STX8: variants seen among roughly 807,000 people sequenced by gnomAD.
STX8 encodes syntaxin 8.
Under a neutral mutation model 37.5 loss-of-function variants are expected in STX8, and 23 were observed. That is an observed-to-expected ratio of 0.61 (90% CI 0.44 to 0.87). STX8 has a LOEUF of 0.87. Among genes scored for constraint, STX8 ranks in the 40% least tolerant of loss-of-function variants. The pLI, the probability that STX8 is intolerant of heterozygous loss-of-function variation, is 0.00. For synonymous variants in STX8, 115 were observed against 99.1 expected, an observed-to-expected ratio of 1.16 and a Z score of -0.95; for missense variants, 313 against 284.7, an observed-to-expected ratio of 1.10 and a Z score of -0.71.
At chr17:9,252,743 T>C (rs987901198) in intron 7 of STX8, among the ~76,000 whole-genome samples, 2 of 152,102 alleles carry the variant, frequency 1.3e-5, no homozygotes, top group South Asian at 4.1e-4. Context: ...GAGAAACGCT[T>C]CTCTTGGGGC....
At chr17:9,359,505 T>TC (rs1910991645) in intron 7 of STX8, among the ~76,000 whole-genome samples, 1 of 120,634 alleles carries the variant, frequency 8.3e-6, no homozygotes. Flanking sequence ...TGAGACATAT[T>TC]TTTTTTTTTT....
intron 6 of STX8, among the ~76,000 whole-genome samples, chr17:9,445,948 G>A (rs951732804): frequency 2.7e-5 from 4 of 147,916 alleles, no homozygotes; most frequent in Admixed American, 6.9e-5. Context: ...CGCCATTCCC[G>A]ACTCGGCCTC....
chr17:9,323,354 CATT>C (rs1909641214), intron 7 of STX8, among the ~76,000 whole-genome samples: 1 of 152,090 alleles, frequency 6.6e-6, no homozygotes, highest in South Asian at 2.1e-4. Flanking sequence ...CAATTAAACT[CATT>C]ATAACTTTTT....
At chr17:9,263,658 A>G (rs561937942) in intron 7 of STX8, among the ~76,000 whole-genome samples, 48 of 152,326 alleles carry the variant, frequency 3.2e-4, no homozygotes, top group African/African-American at 1.1e-3. Flanking sequence ...AATTTTTGCT[A>G]TGAAAAGGAA....
intron 6 of STX8, among the ~76,000 whole-genome samples, chr17:9,473,201 TA>T (rs1481447222): frequency 1.3e-5 from 2 of 152,090 alleles, no homozygotes; most frequent in Non-Finnish European, 2.9e-5. Context: ...ATTTTTTTAG[TA>T]GAGACGGGGT....
intron 6 of STX8, among the ~76,000 whole-genome samples, chr17:9,431,590 T>C (rs979248257): frequency 3.3e-5 from 5 of 152,200 alleles, no homozygotes; most frequent in Non-Finnish European, 5.9e-5. Flanking sequence ...CCACCGCGGC[T>C]GGCCAAGGGC....
At chr17:9,387,340 G>A (rs1912047604) in intron 6 of STX8, among the ~76,000 whole-genome samples, 1 of 151,902 alleles carries the variant, frequency 6.6e-6, no homozygotes, top group African/African-American at 2.4e-5. Flanking sequence ...CTGTCACTCA[G>A]GCTGGAGTGC....
intron 3 of STX8, among the ~76,000 whole-genome samples, chr17:9,546,277 ACTAT>A (rs911710165): frequency 2.7e-4 from 41 of 152,260 alleles, no homozygotes; most frequent in African/African-American, 9.1e-4. Flanking sequence ...GCCCTATTCC[ACTAT>A]CTATGCTCTT....
chr17:9,372,221 C>T (rs193301887), intron 7 of STX8, among the ~76,000 whole-genome samples: 7 of 152,210 alleles, frequency 4.6e-5, no homozygotes, highest in African/African-American at 7.2e-5. Context: ...TTTTCCCTCC[C>T]GTCTTTTTCT....
rs116165957 is a variant in STX8 at position 9,267,433 on chromosome 17, C to A, written c.644-16788G>T. ...TTGGATAGAAAGCGCTATGACCCTT[C>A]CCCATGTGTGATGGCCTTCAGTGCT... On this transcript the variant is annotated intron_variant, in intron 7 of 7. Transcript: ENST00000306357. Among the ~76,000 whole-genome samples, 164 of 152,304 alleles carry A rather than the reference C, an allele frequency of 1.1e-3. 2 individuals carry two copies. The highest frequency in any genetic ancestry group is 3.8e-3 in the African/African-American group (159 of 41,584).
chr17:9,310,326 C>T (rs1007441120), intron 7 of STX8, among the ~76,000 whole-genome samples: 1 of 152,174 alleles, frequency 6.6e-6, no homozygotes, highest in East Asian at 1.9e-4. Context: ...AGTGCACTCA[C>T]TTAAAATCGC....
intron 6 of STX8, among the ~76,000 whole-genome samples, chr17:9,391,572 T>C (rs1378586001): frequency 3.3e-5 from 5 of 151,804 alleles, no homozygotes; most frequent in African/African-American, 9.7e-5. Flanking sequence ...CGTTAACAAC[T>C]GGTGAATCTA....
intron 7 of STX8, among the ~76,000 whole-genome samples, chr17:9,297,206 T>C (rs1029251738): frequency 4.6e-5 from 7 of 150,694 alleles, no homozygotes; most frequent in Non-Finnish European, 8.8e-5. Context: ...TTGTATCATT[T>C]TGCATACAGT....
In STX8 at chr17:9,333,899, G is replaced by C. The variant is rs373092777; in HGVS notation, c.643+44653C>G. Among the ~76,000 whole-genome samples, 62 of 152,100 alleles carry C rather than the reference G, an allele frequency of 4.1e-4. 1 individual carries two copies. The highest frequency in any genetic ancestry group is 8.1e-4 in the Non-Finnish European group (55 of 68,016). Reference sequence around the variant, plus strand: ...CCTTACCTGCTGCCTAGACAGAGCCGATTTCTCTAGACAGGGGAATGGCAA... The same window carrying C: ...CCTTACCTGCTGCCTAGACAGAGCCCATTTCTCTAGACAGGGGAATGGCAA... On this transcript the variant is annotated intron_variant, in intron 7 of 7. Transcript: ENST00000306357.
intron 6 of STX8, among the ~76,000 whole-genome samples, chr17:9,477,424 AT>A (rs1375598777): frequency 6.6e-6 from 1 of 152,306 alleles, no homozygotes; most frequent in African/African-American, 2.4e-5. Context: ...AACACTCACC[AT>A]TTTTTAAAGT....
chr17:9,415,365 T>C (rs998436110), intron 6 of STX8, among the ~76,000 whole-genome samples: 1 of 152,170 alleles, frequency 6.6e-6, no homozygotes, highest in African/African-American at 2.4e-5. Context: ...GCACCTTTCT[T>C]TCATTAACAA....
intron 6 of STX8, among the ~76,000 whole-genome samples, chr17:9,417,557 A>C (rs975845577): frequency 2.6e-5 from 4 of 151,678 alleles, no homozygotes; most frequent in Non-Finnish European, 5.9e-5. Context: ...TTCATAAAAA[A>C]CCCCTTGTTA....
At chr17:9,495,102 T>C (rs1213266352) in intron 5 of STX8, among the ~76,000 whole-genome samples, 1 of 152,240 alleles carries the variant, frequency 6.6e-6, no homozygotes, top group Non-Finnish European at 1.5e-5. Flanking sequence ...TCATCAAACT[T>C]AGCTCTTTAA....
intron 7 of STX8, among the ~76,000 whole-genome samples, chr17:9,375,936 T>C (rs770963489): frequency 1.3e-5 from 2 of 152,138 alleles, no homozygotes; most frequent in African/African-American, 4.8e-5. Flanking sequence ...TAGAGCTCAC[T>C]CTCATGATAT....
Sources: gnomAD v4.1 joint callset for allele counts (sites outside exome capture counted in the v4.1 genomes callset) on GRCh38, gnomAD v4.1.1 for gene constraint, MANE v1.5 for transcripts, NCBI Gene and HGNC (gene_info 2026-07-23, HGNC 2026-07-21) for gene names.